DLGAP1: variants seen among roughly 807,000 people sequenced by gnomAD.
DLGAP1 encodes the protein DLG associated protein 1.
A neutral mutation model predicts 90.8 loss-of-function variants in DLGAP1; 11 were observed. The observed-to-expected ratio is 0.12, with a 90% CI of 0.08 to 0.20. DLGAP1 has a LOEUF of 0.20. Among genes scored for constraint, DLGAP1 ranks in the 10% least tolerant of loss-of-function variants. The probability of loss-of-function intolerance (pLI) is 1.00; values close to 1 mark genes in which losing one functional copy is unlikely to be tolerated. For synonymous variants in DLGAP1, 558 were observed against 540.7 expected (o/e 1.03, Z -0.44); for missense variants, 1,050 against 1,333.8 (o/e 0.79, Z 3.31).
At chr18:4,285,649 T>C (rs1337787881) in intron 1 of DLGAP1, among the ~76,000 whole-genome samples, 1 of 152,156 alleles carries the variant, frequency 6.6e-6, no homozygotes, top group Non-Finnish European at 1.5e-5. Context: ...AAGAAGATTA[T>C]AGACAAAGGG....
chr18:3,983,277 A>T (rs1389661631), intron 3 of DLGAP1: 5 of 152,306 alleles, frequency 3.3e-5, no homozygotes, highest in Non-Finnish European at 5.9e-5. Context: ...GCCATTACTT[A>T]ATTATGCCAG....
chr18:3,504,841 C>T (rs1037053212), intron 11 of DLGAP1, among the ~76,000 whole-genome samples: 2 of 152,152 alleles, frequency 1.3e-5, no homozygotes, highest in African/African-American at 4.8e-5. Flanking sequence ...ATGTGACATA[C>T]CATGCACAAC....
chr18:3,899,488 C>A (rs1395493938), intron 3 of DLGAP1, among the ~76,000 whole-genome samples: 1 of 152,176 alleles, frequency 6.6e-6, no homozygotes, highest in Non-Finnish European at 1.5e-5. Flanking sequence ...ATGTTGCTTG[C>A]AGGAAAATCA....
At chr18:3,550,824 T>A (rs576607696) in intron 9 of DLGAP1, among the ~76,000 whole-genome samples, 1 of 143,598 alleles carries the variant, frequency 7.0e-6, no homozygotes, top group Non-Finnish European at 1.5e-5. Context: ...TCACTACAAC[T>A]TCTGCCTCCT....
chr18:4,337,216 T>TG (rs1319979373), intron 1 of DLGAP1, among the ~76,000 whole-genome samples: 3 of 128,312 alleles, frequency 2.3e-5, no homozygotes, highest in East Asian at 4.6e-4. Context: ...TTTTTTGAGA[T>TG]GGGGTCTCAC....
chr18:4,126,687 C>T (rs2076238036), intron 2 of DLGAP1, among the ~76,000 whole-genome samples: 1 of 152,102 alleles, frequency 6.6e-6, no homozygotes, highest in South Asian at 2.1e-4. Flanking sequence ...AATGGCTTTT[C>T]CCCTGACCTG....
intron 5 of DLGAP1, among the ~76,000 whole-genome samples, chr18:3,788,577 T>C (rs748107102): frequency 6.6e-6 from 1 of 152,164 alleles, no homozygotes; most frequent in African/African-American, 2.4e-5. Context: ...ATCTGGCAAA[T>C]GGGAAAATTT....
At chr18:4,252,549 CTCCTT>C (rs1412572889) in intron 1 of DLGAP1, among the ~76,000 whole-genome samples, 3 of 152,186 alleles carry the variant, frequency 2.0e-5, no homozygotes, top group East Asian at 3.8e-4. Flanking sequence ...ATGCTTTAGA[CTCCTT>C]TGCTTTGCAC....
At chr18:4,353,493 G>A (rs1289358056) in intron 1 of DLGAP1, among the ~76,000 whole-genome samples, 4 of 152,124 alleles carry the variant, frequency 2.6e-5, no homozygotes, top group Admixed American at 2.0e-4. Context: ...CAGTTTTACG[G>A]TCTGGCTTTC....
chr18:4,119,952 G>A (rs1373523336), intron 2 of DLGAP1, among the ~76,000 whole-genome samples: 1 of 151,988 alleles, frequency 6.6e-6, no homozygotes, highest in East Asian at 1.9e-4. Flanking sequence ...ATCTCTTTGA[G>A]GTTTAAAAAA....
chr18:3,855,612 T>C (rs1342336519), intron 4 of DLGAP1, among the ~76,000 whole-genome samples: 2 of 152,120 alleles, frequency 1.3e-5, no homozygotes, highest in Non-Finnish European at 2.9e-5. Context: ...AATTAATTAA[T>C]TAATTAATTT....
chr18:4,239,572 T>C (rs1159885666), intron 1 of DLGAP1, among the ~76,000 whole-genome samples: 1 of 152,158 alleles, frequency 6.6e-6, no homozygotes, highest in Non-Finnish European at 1.5e-5. Flanking sequence ...AATACTGCTT[T>C]AAAAAATAGT....
chr18:3,788,196 CTGAAACA>C (rs1423677946), intron 5 of DLGAP1, among the ~76,000 whole-genome samples: 3 of 152,210 alleles, frequency 2.0e-5, no homozygotes, highest in African/African-American at 7.2e-5. Context: ...CTTTCTTCAT[CTGAAACA>C]TGAGAGTTGG....
intron 7 of DLGAP1, among the ~76,000 whole-genome samples, chr18:3,635,650 CA>C (rs907395230): frequency 6.6e-6 from 1 of 151,542 alleles, no homozygotes; most frequent in African/African-American, 2.4e-5. Flanking sequence ...TACTTGCTAA[CA>C]ACTTCCTTAT....
chr18:3,499,424 C>T lies in DLGAP1; in HGVS notation c.2725-30G>A. The T allele has an allele frequency of 6.5e-7, 1 of 1,546,282 alleles. No homozygotes were observed. Among genetic ancestry groups the T allele is most frequent in the Non-Finnish European group, 8.7e-7 (1 of 1,145,036 alleles). Reference sequence around the variant, plus strand: ...TCAAAGCAGAAGGTTCAGGACATTACACAGCTTCTCAGGACAAGCTTGGGA... The same window carrying T: ...TCAAAGCAGAAGGTTCAGGACATTATACAGCTTCTCAGGACAAGCTTGGGA... On this transcript the variant is annotated intron_variant, in intron 12 of 12. Transcript: ENST00000315677. This position sits in a 1 kb window ranked among gnomAD's most constrained non-coding sequence, Gnocchi z 6.4.
At chr18:3,718,158 A>G (rs530496092) in intron 7 of DLGAP1, among the ~76,000 whole-genome samples, 8 of 152,188 alleles carry the variant, frequency 5.3e-5, no homozygotes, top group African/African-American at 1.7e-4. Context: ...TAGCAAATGC[A>G]CCATTAATAA....
chr18:4,333,582 T>C (rs958504476), intron 1 of DLGAP1, among the ~76,000 whole-genome samples: 13 of 150,864 alleles, frequency 8.6e-5, no homozygotes, highest in African/African-American at 3.2e-4. Context: ...ATCAGTGCCA[T>C]GCATGTATGA....
intron 3 of DLGAP1, among the ~76,000 whole-genome samples, chr18:3,944,121 G>A (rs959484775): frequency 1.3e-5 from 2 of 152,222 alleles, no homozygotes; most frequent in African/African-American, 4.8e-5. Context: ...GGACGTGTGT[G>A]TGTCTGTGTG....
At chr18:3,883,605 A>C (rs2071236611) in intron 3 of DLGAP1, among the ~76,000 whole-genome samples, 1 of 152,242 alleles carries the variant, frequency 6.6e-6, no homozygotes, top group Admixed American at 6.5e-5. Flanking sequence ...AGTTAGTAGA[A>C]TATTTACTCA....
Sources: gnomAD v4.1 joint callset for allele counts (sites outside exome capture counted in the v4.1 genomes callset) on GRCh38, gnomAD v4.1.1 for gene constraint, Gnocchi (gnomAD v3.1) non-coding constraint, MANE v1.5 for transcripts, NCBI Gene and HGNC (gene_info 2026-07-23, HGNC 2026-07-21) for gene names.